The following AKAP10 variants were observed in gnomAD, a reference collection of about 807,000 sequenced individuals.
The protein encoded by AKAP10 is A-kinase anchoring protein 10.
AKAP10 carries 24 observed loss-of-function variants against 80.8 expected under a neutral mutation model. The ratio of observed to expected loss-of-function variants is 0.30; its 90% CI spans 0.22 to 0.42. AKAP10 has a LOEUF of 0.42. Ranked by LOEUF, AKAP10 falls within the 10% of genes least tolerant of loss-of-function variation. AKAP10 has a pLI of 1.00. For missense variants in AKAP10, 661 were observed against 794.9 expected (o/e 0.83, Z 2.03); for synonymous variants, 291 against 277.7 (o/e 1.05, Z -0.48).
chr17:19,957,938 C>T (rs1212745258), intron 4 of AKAP10, 76 bp downstream of exon 4: 2 of 1,396,904 alleles, frequency 1.4e-6, no homozygotes, highest in African/African-American at 1.4e-5. Context: ...TTTTATTCCT[C>T]ATCTGAAGTT....
chr17:19,968,587 G>A (rs2152419298), intron 1 of AKAP10, 126 bp from the exon 2 acceptor site: 1 of 749,058 alleles, frequency 1.3e-6, no homozygotes, highest in Non-Finnish European at 2.2e-6. Context: ...GGACAGCCTT[G>A]GAGGAGGGCA....
intron 10 of AKAP10, among the ~76,000 whole-genome samples, chr17:19,929,167 A>T (rs754087862): frequency 6.6e-6 from 1 of 152,196 alleles, no homozygotes; most frequent in Non-Finnish European, 1.5e-5. Context: ...TATTGTCTCT[A>T]TAGAGATAAA....
chr17:19,976,509 A>C (rs1383379723), intron 1 of AKAP10, among the ~76,000 whole-genome samples: 1 of 150,646 alleles, frequency 6.6e-6, no homozygotes, highest in Admixed American at 6.6e-5. Context: ...AGAAAACAAA[A>C]CCCATTTCTG....
chr17:19,939,869 A>C lies in AKAP10; in HGVS notation c.1186-20T>G, dbSNP rs2043034237. ...CATGTACTAGGAAGAAAAAATACAC[A>C]AGGGAAAATAAGACTATAAACAGAT... On this transcript the variant is annotated intron_variant, in intron 7 of 14. Coordinates refer to ENST00000225737, the MANE Select transcript of AKAP10 (RefSeq NM_007202.4). 2 of 1,605,364 alleles carry C rather than the reference A, an allele frequency of 1.2e-6. No homozygotes were observed. The highest frequency in any genetic ancestry group is 1.1e-5 in the South Asian group (1 of 89,632).
At chr17:19,968,273 A>C in intron 2 of AKAP10, 141 bp downstream of exon 2, 3 of 622,714 alleles carry the variant, frequency 4.8e-6, no homozygotes, top group Non-Finnish European at 8.2e-6. Flanking sequence ...TTAAAGAGGG[A>C]AATAAATCAA....
intron 2 of AKAP10, chr17:19,968,159 C>G: frequency 3.4e-6 from 1 of 298,344 alleles, no homozygotes; most frequent in South Asian, 9.3e-5. Flanking sequence ...CAAGATCGCG[C>G]CACTGCACTC....
intron 1 of AKAP10, among the ~76,000 whole-genome samples, chr17:19,975,581 AAC>A (rs2043554485): frequency 1.3e-5 from 2 of 152,166 alleles, no homozygotes; most frequent in Admixed American, 1.3e-4. Flanking sequence ...AATCTTTCAT[AAC>A]ACTTTACTCA....
chr17:19,971,727 T>C (rs1371965253), intron 1 of AKAP10, among the ~76,000 whole-genome samples: 1 of 152,264 alleles, frequency 6.6e-6, no homozygotes, highest in Middle Eastern at 3.2e-3. Context: ...AACATTCAAC[T>C]AGTGAACATT....
chr17:19,958,689 T>C (rs1840124327), intron 3 of AKAP10, 118 bp from the exon 4 acceptor site: 2 of 806,886 alleles, frequency 2.5e-6, no homozygotes, highest in South Asian at 2.1e-5. Context: ...GTTTACTTCC[T>C]AGCAACTAAA....
intron 1 of AKAP10, among the ~76,000 whole-genome samples, chr17:19,976,972 G>A (rs1294057627): frequency 6.6e-6 from 1 of 152,052 alleles, no homozygotes; most frequent in Admixed American, 6.5e-5. Context: ...TAAACATTGG[G>A]CAGGTAATAC....
intron 2 of AKAP10, among the ~76,000 whole-genome samples, chr17:19,964,815 C>T (rs2043396828): frequency 6.6e-6 from 1 of 152,186 alleles, no homozygotes; most frequent in South Asian, 2.1e-4. Context: ...ATCACTCGAA[C>T]CCGAGAGGCA....
At chr17:19,946,263 ATATATATATATATT>A (rs2043124108) in intron 5 of AKAP10, among the ~76,000 whole-genome samples, 2 of 27,214 alleles carry the variant, frequency 7.3e-5, no homozygotes, top group South Asian at 1.3e-3. Flanking sequence ...ATATATATAT[ATATATATATATATT>A]TTTTTTTTTT....
At chr17:19,952,005 A>G (rs1301117887) in intron 4 of AKAP10, among the ~76,000 whole-genome samples, 7 of 151,074 alleles carry the variant, frequency 4.6e-5, no homozygotes, top group Non-Finnish European at 8.9e-5. Flanking sequence ...AAAGATATTA[A>G]TATTATTATG....
chr17:19,957,907 A>G (rs534660548), intron 4 of AKAP10, 107 bp downstream of exon 4: 2 of 1,221,802 alleles, frequency 1.6e-6, no homozygotes, highest in South Asian at 3.0e-5. Flanking sequence ...TAGTTAGAGG[A>G]GAAAAAAAAT....
intron 11 of AKAP10, among the ~76,000 whole-genome samples, chr17:19,923,887 G>A (rs183763342): frequency 2.6e-5 from 4 of 152,142 alleles, no homozygotes; most frequent in Non-Finnish European, 5.9e-5. Flanking sequence ...TCATGGTGCT[G>A]CTGGGAACTG....
intron 10 of AKAP10, among the ~76,000 whole-genome samples, chr17:19,931,294 C>T (rs1466234803): frequency 6.6e-6 from 1 of 151,850 alleles, no homozygotes; most frequent in African/African-American, 2.4e-5. Flanking sequence ...AGAATAATGG[C>T]CTAAATGAAA....
At chr17:19,957,923 A>G in intron 4 of AKAP10, 91 bp downstream of exon 4, 1 of 1,338,148 alleles carries the variant, frequency 7.5e-7, no homozygotes, top group South Asian at 1.4e-5. Flanking sequence ...AAAATATTCC[A>G]ATCATTTTAT....
chr17:19,967,561 G>A (rs555615619), intron 2 of AKAP10, among the ~76,000 whole-genome samples: 1 of 152,298 alleles, frequency 6.6e-6, no homozygotes, highest in African/African-American at 2.4e-5. Flanking sequence ...TAATCACTAG[G>A]ATAGCCAATA....
intron 1 of AKAP10, among the ~76,000 whole-genome samples, chr17:19,972,646 G>A (rs1294274737): frequency 3.9e-5 from 6 of 152,104 alleles, no homozygotes; most frequent in South Asian, 4.1e-4. Context: ...TAGTAGAGAC[G>A]GGGTTTCACC....
Sources: allele counts gnomAD v4.1 joint callset (sites outside exome capture counted in the v4.1 genomes callset), GRCh38; gene constraint gnomAD v4.1.1; transcripts MANE v1.5; gene names NCBI Gene and HGNC (gene_info 2026-07-23, HGNC 2026-07-21).